The following SMARCD3 variants were observed in gnomAD, a reference collection of about 807,000 sequenced individuals.
SMARCD3 encodes SWI/SNF-related matrix-associated actin-dependent regulator of chromatin subfamily D member 3.
In SMARCD3, 14 loss-of-function variants were observed where a neutral mutation model predicts 58.0. That is an observed-to-expected ratio of 0.24 (90% confidence interval 0.16 to 0.38). The LOEUF (loss-of-function observed/expected upper bound fraction) is 0.38, where lower values mean the gene tolerates loss of function less well. Among genes scored for constraint, SMARCD3 ranks in the 10% least tolerant of loss-of-function variants. The probability of loss-of-function intolerance (pLI) is 1.00; values close to 1 mark genes in which losing one functional copy is unlikely to be tolerated. For missense variants in SMARCD3, 408 were observed against 636.9 expected, an observed-to-expected ratio of 0.64 and a Z score of 3.87; for synonymous variants, 253 against 253.8, an observed-to-expected ratio of 1.00 and a Z score of 0.03.
Position 151,242,086 on chromosome 7 carries a change from C to T in SMARCD3, c.675+51G>A. On this transcript the variant is annotated intron_variant, in intron 6 of 12. Transcript: ENST00000262188. The surrounding 1 kb of genome is among the most constrained non-coding windows in gnomAD (Gnocchi z 4.7). ...AATCTGTGCTGGTTCTTCAGGGATT[C>T]TGGCCTGTGGGAGGGTGGCAATTCA... The T allele has an allele frequency of 6.4e-7, 1 of 1,551,888 alleles. No homozygotes were observed. The highest frequency in any genetic ancestry group is 1.1e-5 in the South Asian group (1 of 89,850).
chr7:151,264,072 T>C (rs1421841968), intron 2 of SMARCD3, among the ~76,000 whole-genome samples: 1 of 151,394 alleles, frequency 6.6e-6, no homozygotes, highest in Non-Finnish European at 1.5e-5. Flanking sequence ...TTTTTTTTTT[T>C]TTTTGAGACA....
At chr7:151,259,614 T>TGTTTG (rs1324148183) in intron 2 of SMARCD3, among the ~76,000 whole-genome samples, 1 of 118,160 alleles carries the variant, frequency 8.5e-6, no homozygotes, top group African/African-American at 3.6e-5. Flanking sequence ...TTTTTTTTTT[T>TGTTTG]TTTTTTTTTT....
In SMARCD3 at chr7:151,274,670, G is replaced by A. The variant is rs983428973; in HGVS notation, c.39+444C>T. 2.6e-5 allele frequency among the ~76,000 whole-genome samples: 4 copies of A among 152,246 alleles called. No individual in the cohort carries two copies. The South Asian group carries it at 8.3e-4, about 31-fold the overall frequency. On this transcript the variant is annotated intron_variant, in intron 2 of 13. Transcript: ENST00000356800. Reference sequence around the variant, plus strand: ...CCTTCCAGCTCGCAGAGAGCATGTGGTGTGTGTGCATGTGAGCATGTGCAC... The same window carrying A: ...CCTTCCAGCTCGCAGAGAGCATGTGATGTGTGTGCATGTGAGCATGTGCAC...
intron 2 of SMARCD3, among the ~76,000 whole-genome samples, chr7:151,266,440 C>T (rs1804081812): frequency 1.3e-5 from 2 of 152,154 alleles, no homozygotes; most frequent in Non-Finnish European, 1.5e-5. Context: ...AATATTAATT[C>T]TGTTATCCAA....
At chr7:151,257,187 G>A (rs1232062819) in intron 2 of SMARCD3, among the ~76,000 whole-genome samples, 13 of 151,982 alleles carry the variant, frequency 8.6e-5, no homozygotes, top group African/African-American at 1.2e-4. Flanking sequence ...CCCTGCACCC[G>A]GCCTCCTGAA....
chr7:151,252,006 T>C (rs1204163448), upstream of SMARCD3, among the ~76,000 whole-genome samples: 2 of 151,014 alleles, frequency 1.3e-5, no homozygotes, highest in African/African-American at 4.9e-5. Flanking sequence ...CCGGTGAAGG[T>C]CAGCCCGGGG....
At chr7:151,257,657 T>C (rs1803744737) in intron 2 of SMARCD3, among the ~76,000 whole-genome samples, 1 of 152,104 alleles carries the variant, frequency 6.6e-6, no homozygotes, top group Admixed American at 6.6e-5. Flanking sequence ...TTCAATTATT[T>C]CCTCCCGTGG....
chr7:151,257,138 G>A (rs142503384), intron 2 of SMARCD3, among the ~76,000 whole-genome samples: 1 of 152,048 alleles, frequency 6.6e-6, no homozygotes, highest in African/African-American at 2.4e-5. Context: ...TGATCCTCCC[G>A]CCTCAGCCTC....
Position 151,242,742 on chromosome 7 carries a change from C to T in SMARCD3, c.435G>A (p.Glu145=), listed in dbSNP as rs1159071282. The change falls in exon 4 of 13, where the codon GAG becomes GAA. Residue 145 remains glutamate (E), a synonymous_variant. Coordinates refer to ENST00000262188, the MANE Select transcript of SMARCD3 (RefSeq NM_001003801.2). This position sits in a 1 kb window ranked among gnomAD's most constrained non-coding sequence, Gnocchi z 4.7. ...TIMRKRVDIQ[E]ALKRPMKQKR... ...GCACCTTCATGGGCCTCTTCAGAGC[C>T]TCCTGGATGTCCACCCGCTTCCGCA... The T allele has an allele frequency of 1.9e-6, 3 of 1,614,148 alleles. No homozygotes were observed. Among genetic ancestry groups the T allele is most frequent in the Non-Finnish European group, 1.7e-6 (2 of 1,180,010 alleles).
rs1803052514 is a variant in SMARCD3, at chr7:151,242,603, G to A, written c.457C>T (p.Gln153Ter). Residue 153 changes from glutamine (Q) to a stop codon, truncating the protein, a stop_gained and splice_region_variant, in exon 5 of 13, where the codon CAA becomes TAA. Transcript: ENST00000262188. LOFTEE classifies it high-confidence loss of function. This position sits in a 1 kb window ranked among gnomAD's most constrained non-coding sequence, Gnocchi z 4.7. ...IQEALKRPMK[Q>*]KRKLRLYISN... is the part of the protein sequence containing the mutation. Reference sequence around the variant, plus strand: ...ATATAGAGTCGCAGCTTCCGCTTTTGCTGTAGAAATAGAGTGCAGAACCGG... The same window carrying A: ...ATATAGAGTCGCAGCTTCCGCTTTTACTGTAGAAATAGAGTGCAGAACCGG... 1 of 1,612,974 alleles carries A rather than the reference G, an allele frequency of 6.2e-7. No homozygotes were observed. The highest frequency in any genetic ancestry group is 1.3e-5 in the African/African-American group (1 of 74,892).
chr7:151,268,879 C>T (rs1487556820), intron 2 of SMARCD3, among the ~76,000 whole-genome samples: 2 of 152,256 alleles, frequency 1.3e-5, no homozygotes, highest in East Asian at 3.9e-4. Flanking sequence ...GCCGAGATTA[C>T]AGGCATGAAC....
Position 151,245,676 on chromosome 7 carries a change from G to T in SMARCD3, c.79-5C>A. The T allele has an allele frequency of 1.1e-6, 1 of 938,972 alleles. No individual in the cohort carries two copies. The highest frequency in any genetic ancestry group is 5.4e-5 in the South Asian group (1 of 18,416). 58.2% of individuals were successfully genotyped at this position (938,972 alleles called of 1,614,324 possible). On this transcript the variant is annotated splice_polypyrimidine_tract_variant and splice_region_variant and intron_variant, in intron 1 of 12. Transcript: ENST00000262188. This position sits in a 1 kb window ranked among gnomAD's most constrained non-coding sequence, Gnocchi z 6.2. The stretch of plus-strand genomic sequence containing the variant: ...TCCAGACGGCATCCCGGGGCGCTGG[G>T]GGTGGGCGGGGGTGAAGCAGAAACG...
intron 2 of SMARCD3, among the ~76,000 whole-genome samples, chr7:151,274,344 T>C (rs3789818): frequency 0.56 from 85,346 of 152,202 alleles, 24,943 homozygotes; most frequent in Non-Finnish European, 0.64. Flanking sequence ...CTGGGGCAGG[T>C]GGCTTTTCTG....
In SMARCD3 at chr7:151,273,285, C is replaced by G. The variant is rs1406467869; in HGVS notation, c.39+1829G>C. Among the ~76,000 whole-genome samples, 7 of 152,238 alleles carry G rather than the reference C, an allele frequency of 4.6e-5. No homozygotes were observed. The East Asian group carries it at 1.2e-3, about 25-fold the overall frequency. On this transcript the variant is annotated intron_variant, in intron 2 of 13. Coordinates refer to the SMARCD3 transcript ENST00000356800. Reference sequence around the variant, plus strand: ...CTCCAGCTCCAATCTTCACAGGCCTCCTCTGCCCTCCTTCCCCTGTGCCCA... The same window carrying G: ...CTCCAGCTCCAATCTTCACAGGCCTGCTCTGCCCTCCTTCCCCTGTGCCCA...
In SMARCD3 at chr7:151,241,248, T is replaced by TAGGG; in HGVS notation, c.939+240_939+243dup. The TAGGG allele has an allele frequency of 1.8e-6, 1 of 547,760 alleles. No individual in the cohort carries two copies. Among genetic ancestry groups the TAGGG allele is most frequent in the South Asian group, 2.0e-5 (1 of 50,642 alleles). 33.9% of individuals were successfully genotyped at this position (547,760 alleles called of 1,614,324 possible). Reference sequence around the variant, plus strand: ...ACATTCCAGAAAGCGGTTGGCTTTGTAGGGTTTCCAGGTCTTCCTAACTTG... The same window carrying TAGGG: ...ACATTCCAGAAAGCGGTTGGCTTTGTAGGGAGGGTTTCCAGGTCTTCCTAACTTG... On this transcript the variant is annotated intron_variant, in intron 8 of 12. Coordinates refer to ENST00000262188, the MANE Select transcript of SMARCD3 (RefSeq NM_001003801.2). This position sits in a 1 kb window ranked among gnomAD's most constrained non-coding sequence, Gnocchi z 5.3.
At chr7:151,265,339 G>A (rs575231950) in intron 2 of SMARCD3, among the ~76,000 whole-genome samples, 1 of 152,320 alleles carries the variant, frequency 6.6e-6, no homozygotes, top group African/African-American at 2.4e-5. Context: ...TCAACTTCTA[G>A]CCAAGGAGAG....
intron 9 of SMARCD3, 88 bp from the exon 10 acceptor site, chr7:151,240,335 G>T: frequency 6.2e-7 from 1 of 1,600,036 alleles, no homozygotes. Context: ...CAGGGAGGGA[G>T]AAGAGATGGG....
In SMARCD3 at chr7:151,240,147, C is replaced by T; in HGVS notation, c.1138G>A (p.Ala380Thr). The change falls in exon 10 of 13, where the codon GCC (alanine) becomes ACC (threonine). Residue 380 changes from alanine to threonine, a missense_variant. Transcript: ENST00000262188. ...AGAGCACTGATCTCCTGCTGGTTGGCCGTGGATAGGAGGAAGCTGCTCATC... is the reference window on the plus strand; with the variant it reads ...AGAGCACTGATCTCCTGCTGGTTGGTCGTGGATAGGAGGAAGCTGCTCATC... ...GQMSSFLLST[A>T]NQQEISALDS... 6.2e-7 allele frequency: 1 copy of T among 1,614,174 alleles called. No individual in the cohort carries two copies. Among genetic ancestry groups the T allele is most frequent in the Non-Finnish European group, 8.5e-7 (1 of 1,180,036 alleles).
In SMARCD3 at chr7:151,242,049, G is replaced by T. The variant is rs1220491115; in HGVS notation, c.676-71C>A. ...TGGTGGGGCCCAGGACTCTAGGGTG[G>T]TCCCTGACCCAAATCTGTGCTGGTT... On this transcript the variant is annotated intron_variant, in intron 6 of 12. Transcript: ENST00000262188. This position sits in a 1 kb window ranked among gnomAD's most constrained non-coding sequence, Gnocchi z 4.7. 3 of 1,540,118 alleles carry T rather than the reference G, an allele frequency of 1.9e-6. No individual in the cohort carries two copies. The highest frequency in any genetic ancestry group is 2.7e-6 in the Non-Finnish European group (3 of 1,113,590).
Sources: allele counts gnomAD v4.1 joint callset (sites outside exome capture counted in the v4.1 genomes callset), GRCh38; gene constraint gnomAD v4.1.1; non-coding constraint Gnocchi (gnomAD v3.1); transcripts MANE v1.5; gene names NCBI Gene and HGNC (gene_info 2026-07-23, HGNC 2026-07-21).